Variants in PFKFB3 observed in about 807,000 individuals in gnomAD.
PFKFB3 encodes the protein 6-phosphofructo-2-kinase/fructose-2,6-biphosphatase 3, also known as 6-phosphofructo-2-kinase/fructose-2,6-bisphosphatase 3.
Under a neutral mutation model 68.0 loss-of-function variants are expected in PFKFB3, and 33 were observed. The ratio of observed to expected loss-of-function variants is 0.49; its 90% confidence interval spans 0.37 to 0.65. PFKFB3 has a LOEUF of 0.65. PFKFB3 is among the 30% of genes least tolerant of loss of function. The pLI, the probability that PFKFB3 is intolerant of heterozygous loss-of-function variation, is 0.00. For synonymous variants in PFKFB3, 315 were observed against 288.2 expected (o/e 1.09, Z -0.94); for missense variants, 586 against 712.2 (o/e 0.82, Z 2.02).
the PFKFB3 span, among the ~76,000 whole-genome samples, chr10:6,270,200 C>G: frequency 1.3e-5 from 2 of 152,134 alleles, no homozygotes; most frequent in Non-Finnish European, 2.9e-5. Flanking sequence ...GTTTAAGACT[C>G]AGGAACATGG....
chr10:6,273,865 C>T, the PFKFB3 span, among the ~76,000 whole-genome samples: 1 of 152,256 alleles, frequency 6.6e-6, no homozygotes, highest in South Asian at 2.1e-4. Flanking sequence ...CCAGTCCTGC[C>T]GACACCTTGA....
the PFKFB3 span, among the ~76,000 whole-genome samples, chr10:6,305,500 A>G: frequency 6.6e-6 from 1 of 152,236 alleles, no homozygotes; most frequent in Non-Finnish European, 1.5e-5. Context: ...GCATTCCTAC[A>G]TTTATGAAAT....
At chr10:6,187,678 T>A (rs527893428) in intron 1 of PFKFB3, among the ~76,000 whole-genome samples, 2 of 152,354 alleles carry the variant, frequency 1.3e-5, no homozygotes, top group African/African-American at 4.8e-5. Flanking sequence ...CAAAATAGAA[T>A]TTTTAGCTGC....
chr10:6,216,577 A>G (rs1844602846), intron 4 of PFKFB3, 129 bp from the exon 5 acceptor site: 1 of 734,296 alleles, frequency 1.4e-6, no homozygotes, highest in Admixed American at 2.0e-5. Context: ...GTGGGCAGGC[A>G]CAAGCTCCCC....
At chr10:6,246,242 A>G (rs956912939) in intron 14 of PFKFB3, among the ~76,000 whole-genome samples, 6 of 152,220 alleles carry the variant, frequency 3.9e-5, no homozygotes, top group African/African-American at 1.2e-4. Context: ...GATTAAAAAC[A>G]CAGAACACAA....
the PFKFB3 span, among the ~76,000 whole-genome samples, chr10:6,314,947 C>G: frequency 3.3e-4 from 50 of 152,302 alleles, 1 homozygote; most frequent in South Asian, 1.9e-3. Context: ...AGGGGCATGG[C>G]CTTGAATAGC....
the PFKFB3 span, among the ~76,000 whole-genome samples, chr10:6,292,803 A>C: frequency 6.6e-6 from 1 of 152,212 alleles, no homozygotes; most frequent in African/African-American, 2.4e-5. Flanking sequence ...CAGTCATTCT[A>C]ATCACAATGG....
chr10:6,248,743 T>C (rs778063436), intron 14 of PFKFB3, among the ~76,000 whole-genome samples: 8 of 152,152 alleles, frequency 5.3e-5, no homozygotes, highest in Non-Finnish European at 7.3e-5. Flanking sequence ...TAATGTTGAT[T>C]AATGCGTCAT....
At chr10:6,145,133 G>C (rs11256971) in intron 1 of PFKFB3, 44,684 of 791,450 alleles carry the variant, frequency 0.056, 2,184 homozygotes, top group East Asian at 0.27. Flanking sequence ...CCCGGGCTGC[G>C]GCGGTGCCGC....
chr10:6,277,739 G>A, the PFKFB3 span: 81,204 of 418,864 alleles, frequency 0.19, 8,777 homozygotes, highest in Middle Eastern at 0.27. Context: ...CCAGCACCAC[G>A]CTTTCTGTAC....
chr10:6,326,598 G>GC, the PFKFB3 span: 1 of 452,774 alleles, frequency 2.2e-6, no homozygotes, highest in African/African-American at 2.0e-5. Context: ...CTGCTCCGTT[G>GC]CCCCGACGAG....
the PFKFB3 span, among the ~76,000 whole-genome samples, chr10:6,263,906 G>C: frequency 6.6e-6 from 1 of 152,186 alleles, no homozygotes; most frequent in Non-Finnish European, 1.5e-5. Flanking sequence ...GGCTGGTCTT[G>C]AACTTCTGGC....
At chr10:6,247,791 A>G (rs925479857) in intron 14 of PFKFB3, among the ~76,000 whole-genome samples, 4 of 152,270 alleles carry the variant, frequency 2.6e-5, no homozygotes, top group Admixed American at 1.3e-4. Flanking sequence ...GAATAAATCA[A>G]TAGTCTCAAA....
chr10:6,252,746 C>T (rs756469903), intron 14 of PFKFB3, among the ~76,000 whole-genome samples: 8 of 151,990 alleles, frequency 5.3e-5, no homozygotes, highest in East Asian at 1.9e-4. Flanking sequence ...ATTGTTGTAT[C>T]GTATAATTCC....
the PFKFB3 span, among the ~76,000 whole-genome samples, chr10:6,317,096 T>G: frequency 6.6e-6 from 1 of 152,190 alleles, no homozygotes; most frequent in Non-Finnish European, 1.5e-5. Flanking sequence ...TTCAAGGTAT[T>G]CATGGATGCC....
chr10:6,184,392 T>A (rs1266536073), intron 1 of PFKFB3, among the ~76,000 whole-genome samples: 1 of 152,076 alleles, frequency 6.6e-6, no homozygotes, highest in Non-Finnish European at 1.5e-5. Context: ...AAAAGCCCCA[T>A]CCTGGCAATT....
Position 6,216,115 on chromosome 10 carries a change from T to G in PFKFB3, c.300-10T>G. ...GCGCTGACATTCGGGCAATGTCTTG[T>G]GCATTCCAGGCAATGTGCCTTAGCT... On this transcript the variant is annotated splice_polypyrimidine_tract_variant and intron_variant, in intron 3 of 14. Transcript: ENST00000379775. 2 of 1,613,764 alleles carry G rather than the reference T, an allele frequency of 1.2e-6. No individual in the cohort carries two copies. Among genetic ancestry groups the G allele is most frequent in the Non-Finnish European group, 1.7e-6 (2 of 1,179,680 alleles).
chr10:6,228,650 TACTC>T lies in PFKFB3; in HGVS notation c.1515+2287_1515+2290del, dbSNP rs1384412731. The stretch of plus-strand genomic sequence containing the variant: ...TGTCCTTTGTTTTGGAAGGAAAACT[TACTC>T]AGAGCCTAATCTGTAAACCAAACCT... On this transcript the variant is annotated intron_variant, in intron 14 of 14. Coordinates refer to ENST00000379775, the MANE Select transcript of PFKFB3 (RefSeq NM_004566.4). The surrounding 1 kb of genome is among the most constrained non-coding windows in gnomAD (Gnocchi z 4.5). Among the ~76,000 whole-genome samples, 3 of 151,696 alleles carry T rather than the reference TACTC, an allele frequency of 2.0e-5. No homozygotes were observed. Among genetic ancestry groups the T allele is most frequent in the African/African-American group, 4.8e-5 (2 of 41,292 alleles).
In PFKFB3 at chr10:6,224,027, A is replaced by G; in HGVS notation, c.1276+7A>G. The G allele has an allele frequency of 6.2e-7, 1 of 1,614,148 alleles. No homozygotes were observed. Among genetic ancestry groups the G allele is most frequent in the South Asian group, 1.1e-5 (1 of 91,086 alleles). On this transcript the variant is annotated splice_region_variant and intron_variant, in intron 12 of 14. Transcript: ENST00000379775. ...CTGACGCCTGTCGCTTATGGTGAGT[A>G]GCAACCCCTGCCAAGCCCTGTCCCC...
Sources: gnomAD v4.1 joint callset for allele counts (sites outside exome capture counted in the v4.1 genomes callset) on GRCh38, gnomAD v4.1.1 for gene constraint, Gnocchi (gnomAD v3.1) non-coding constraint, MANE v1.5 for transcripts, NCBI Gene and HGNC (gene_info 2026-07-23, HGNC 2026-07-21) for gene names.